ERG: variants seen among roughly 807,000 people sequenced by gnomAD.
ERG encodes the protein ETS transcription factor ERG, also known as transcriptional regulator ERG.
In ERG, 9 loss-of-function variants were observed where a neutral mutation model predicts 55.3. The observed-to-expected ratio is 0.16, with a 90% CI of 0.10 to 0.28. The LOEUF (loss-of-function observed/expected upper bound fraction) is 0.28. Ranked by LOEUF, ERG falls within the 10% of genes least tolerant of loss-of-function variation. The probability of loss-of-function intolerance (pLI) is 1.00; values close to 1 mark genes in which losing one functional copy is unlikely to be tolerated. For missense variants in ERG, 434 were observed against 631.6 expected, an observed-to-expected ratio of 0.69 and a Z score of 3.35; for synonymous variants, 223 against 237.3, an observed-to-expected ratio of 0.94 and a Z score of 0.55.
chr21:38,401,362 C>T lies in ERG; in HGVS notation c.674-717G>A, dbSNP rs140637634. 4.3e-3 allele frequency among the ~76,000 whole-genome samples: 652 copies of T among 152,306 alleles called. 2 individuals are homozygous for T. Among genetic ancestry groups the T allele is most frequent in the Non-Finnish European group, 6.4e-3 (435 of 68,032 alleles). On this transcript the variant is annotated intron_variant, in intron 5 of 9. Transcript: ENST00000288319. ...GGTGTTTCCTAAGAAGGGGAAGTAA[C>T]TTCCTCTAAGTTATCTGTTATTTCT...
intron 2 of ERG, among the ~76,000 whole-genome samples, chr21:38,517,192 A>G (rs1171466682): frequency 1.3e-5 from 2 of 152,130 alleles, no homozygotes; most frequent in Non-Finnish European, 2.9e-5. Flanking sequence ...GTTGAATGGG[A>G]TAAAATATTT....
rs114790986 is a variant in ERG, at chr21:38,519,563, C to T, written c.-41+56099G>A. Among the ~76,000 whole-genome samples, 826 of 152,262 alleles carry T rather than the reference C, an allele frequency of 5.4e-3. 9 individuals are homozygous for T. Among genetic ancestry groups the T allele is most frequent in the African/African-American group, 0.019 (792 of 41,552 alleles). On this transcript the variant is annotated intron_variant, in intron 2 of 8. Coordinates refer to the ERG transcript ENST00000398897. ...TTGTGGTGACTCTCATTTGCTTAAC[C>T]CAACAGAAGATAGAGGACAAAGGAG... is the stretch of plus-strand genomic sequence containing the variant.
chr21:38,404,992 C>T (rs1184169998), intron 3 of ERG, among the ~76,000 whole-genome samples: 1 of 152,090 alleles, frequency 6.6e-6, no homozygotes, highest in Non-Finnish European at 1.5e-5. Context: ...TCCCTCCTTC[C>T]CTCTTCCTTC....
intron 9 of ERG, among the ~76,000 whole-genome samples, chr21:38,387,524 T>C (rs1987753693): frequency 6.6e-6 from 1 of 152,188 alleles, no homozygotes; most frequent in East Asian, 1.9e-4. Context: ...TCTGCCTCAG[T>C]ATCGTCATCT....
intron 2 of ERG, among the ~76,000 whole-genome samples, chr21:38,442,596 T>C (rs576264848): frequency 1.3e-5 from 2 of 152,194 alleles, no homozygotes; most frequent in East Asian, 3.9e-4. Flanking sequence ...CTGGTGTCTT[T>C]CTTTCTTATA....
chr21:38,539,450 C>G (rs1359110911), intron 2 of ERG, among the ~76,000 whole-genome samples: 1 of 152,094 alleles, frequency 6.6e-6, no homozygotes, highest in African/African-American at 2.4e-5. Context: ...AAAGAAAATA[C>G]ATGATGGAAA....
chr21:38,506,286 A>G (rs2059460330), intron 2 of ERG, among the ~76,000 whole-genome samples: 1 of 152,192 alleles, frequency 6.6e-6, no homozygotes, highest in African/African-American at 2.4e-5. Context: ...AATGTAGAGT[A>G]TGTTTGTTTT....
At chr21:38,582,752 CTT>C in intron 1 of ERG, among the ~76,000 whole-genome samples, 1 of 147,762 alleles carries the variant, frequency 6.8e-6, no homozygotes, top group African/African-American at 2.5e-5. Context: ...AATGTTGCAA[CTT>C]TTTTTTTTTT....
At chr21:38,491,965 G>GTTTCTCTGCACAGTAATT (rs2059340092) in intron 1 of ERG, among the ~76,000 whole-genome samples, 1 of 83,086 alleles carries the variant, frequency 1.2e-5, no homozygotes, top group African/African-American at 2.9e-5. Context: ...AAGAATTGCT[G>GTTTCTCTGCACAGTAATT]CCTATGGGAT....
intron 2 of ERG, among the ~76,000 whole-genome samples, chr21:38,548,424 T>G (rs1342878852): frequency 1.3e-5 from 2 of 151,886 alleles, no homozygotes; most frequent in Non-Finnish European, 2.9e-5. Context: ...AGTTTTCCTC[T>G]CTTAAACAGA....
chr21:38,498,532 A>G (rs1202101663), upstream of ERG: 1 of 1,405,650 alleles, frequency 7.1e-7, no homozygotes, highest in Non-Finnish European at 9.2e-7. This position sits in a 1 kb window ranked among gnomAD's most constrained non-coding sequence, Gnocchi z 4.6. Context: ...AGAGGTTTCT[A>G]TTGGTCCTGG....
chr21:38,623,065 T>G (rs932571043), intron 1 of ERG, among the ~76,000 whole-genome samples: 7 of 129,310 alleles, frequency 5.4e-5, no homozygotes, highest in South Asian at 2.5e-4. Flanking sequence ...ACATCATACA[T>G]AAACCCCACA....
intron 2 of ERG, among the ~76,000 whole-genome samples, chr21:38,560,807 G>A (rs568802204): frequency 5.1e-4 from 77 of 152,284 alleles, no homozygotes; most frequent in African/African-American, 1.7e-3. Context: ...CCAAATTGTG[G>A]TCCTCATGGA....
At chr21:38,522,890 C>T (rs994751990) in intron 2 of ERG, among the ~76,000 whole-genome samples, 1 of 152,158 alleles carries the variant, frequency 6.6e-6, no homozygotes, top group African/African-American at 2.4e-5. Flanking sequence ...TTTTTAAATA[C>T]CATATGATGG....
At chr21:38,502,457 GGTGGC>G (rs376858320), upstream of ERG, 826 of 159,086 alleles carry the variant, frequency 5.2e-3, 6 homozygotes, top group African/African-American at 0.019. Context: ...GAAATGCAAT[GGTGGC>G]AGACATGTCC....
At chr21:38,406,841 GC>G (rs1358051876) in intron 3 of ERG, among the ~76,000 whole-genome samples, 1 of 152,098 alleles carries the variant, frequency 6.6e-6, no homozygotes. Context: ...CCCTTGGTGT[GC>G]CCCTTAATTG....
chr21:38,457,384 C>T (rs1353802086), intron 1 of ERG, among the ~76,000 whole-genome samples: 3 of 151,456 alleles, frequency 2.0e-5, no homozygotes, highest in South Asian at 2.1e-4. Flanking sequence ...TGCAGTGAGC[C>T]GAGATCATGC....
intron 2 of ERG, among the ~76,000 whole-genome samples, chr21:38,531,680 C>G (rs1229889143): frequency 6.6e-6 from 1 of 152,174 alleles, no homozygotes; most frequent in Non-Finnish European, 1.5e-5. Context: ...TTGTGGTTTT[C>G]TTTTAGAAGC....
intron 2 of ERG, among the ~76,000 whole-genome samples, chr21:38,539,841 C>T (rs1161228590): frequency 6.6e-6 from 1 of 151,958 alleles, no homozygotes; most frequent in African/African-American, 2.4e-5. Context: ...AGCATTTTCC[C>T]AGTCCTTCTT....
Sources: gnomAD v4.1 joint callset for allele counts (sites outside exome capture counted in the v4.1 genomes callset) on GRCh38, gnomAD v4.1.1 for gene constraint, Gnocchi (gnomAD v3.1) non-coding constraint, MANE v1.5 for transcripts, NCBI Gene and HGNC (gene_info 2026-07-23, HGNC 2026-07-21) for gene names.